TMPRSS15: variants seen among roughly 807,000 people sequenced by gnomAD.
TMPRSS15 encodes transmembrane serine protease 15, also known as enteropeptidase.
TMPRSS15 carries 128 observed loss-of-function variants against 125.3 expected under a neutral mutation model. The observed-to-expected ratio is 1.02, with a 90% confidence interval of 0.89 to 1.18. The LOEUF is 1.18. TMPRSS15 is among the 50% of genes most tolerant of loss of function. TMPRSS15 has a pLI of 0.00. For missense variants in TMPRSS15, 1,283 were observed against 1,212.7 expected (o/e 1.06, Z -0.86); for synonymous variants, 446 against 423.2 (o/e 1.05, Z -0.66).
chr21:18,444,338 A>C (rs909722097), intron 1 of TMPRSS15, among the ~76,000 whole-genome samples: 3 of 152,240 alleles, frequency 2.0e-5, no homozygotes, highest in African/African-American at 7.2e-5. Context: ...TTACAGGGAC[A>C]TGGTTGAAGC....
rs116084942 is a variant in TMPRSS15 at position 18,363,380 on chromosome 21, A to G, written c.773+1760T>C. Among the ~76,000 whole-genome samples, 1,097 of 152,220 alleles carry G rather than the reference A, an allele frequency of 7.2e-3. 15 individuals carry two copies. Among genetic ancestry groups the G allele is most frequent in the African/African-American group, 0.025 (1,054 of 41,534 alleles). ...TAACATTTTTAATTAATATAGGATA[A>G]TTTTTGCGTAAAGGACATTATCATT... is the stretch of plus-strand genomic sequence containing the variant. On this transcript the variant is annotated intron_variant, in intron 7 of 24. Transcript: ENST00000284885.
At chr21:18,413,584 CTTT>C (rs141469767) in intron 1 of TMPRSS15, among the ~76,000 whole-genome samples, 37 of 135,980 alleles carry the variant, frequency 2.7e-4, no homozygotes, top group East Asian at 1.1e-3. Context: ...ACCTGGCTAA[CTTT>C]TTTTTTTTTT....
chr21:18,484,297 T>C (rs1979037574), intron 1 of TMPRSS15, among the ~76,000 whole-genome samples: 1 of 151,896 alleles, frequency 6.6e-6, no homozygotes, highest in Non-Finnish European at 1.5e-5. Context: ...AGGAGGTCCA[T>C]GATTGTCAAT....
At chr21:18,445,921 C>T (rs1467636821) in intron 1 of TMPRSS15, among the ~76,000 whole-genome samples, 1 of 152,134 alleles carries the variant, frequency 6.6e-6, no homozygotes, top group African/African-American at 2.4e-5. Flanking sequence ...CCACTTTCTC[C>T]ACTTGTATTC....
chr21:18,386,298 A>G (rs2075943318), intron 3 of TMPRSS15, among the ~76,000 whole-genome samples: 1 of 152,100 alleles, frequency 6.6e-6, no homozygotes. Flanking sequence ...AAACCTAGGG[A>G]ATCTGTTTCC....
chr21:18,380,583 T>C (rs193043065), intron 4 of TMPRSS15: 5 of 470,792 alleles, frequency 1.1e-5, no homozygotes, highest in East Asian at 7.0e-5. Context: ...TCTCCAAAGA[T>C]GCTGGAATAA....
intron 3 of TMPRSS15, among the ~76,000 whole-genome samples, chr21:18,396,186 G>T (rs980315857): frequency 7.2e-5 from 11 of 152,102 alleles, no homozygotes; most frequent in African/African-American, 2.7e-4. Context: ...TATTTCTGTA[G>T]AAAAAGAGAA....
At chr21:18,339,042 G>A (rs12483255) in intron 13 of TMPRSS15, among the ~76,000 whole-genome samples, 19 of 151,084 alleles carry the variant, frequency 1.3e-4, no homozygotes, top group Admixed American at 1.3e-3. Flanking sequence ...CTTCTCTCAT[G>A]TATTACTTTT....
chr21:18,273,856 G>T (rs2074589303), intron 24 of TMPRSS15, among the ~76,000 whole-genome samples: 1 of 152,182 alleles, frequency 6.6e-6, no homozygotes, highest in African/African-American at 2.4e-5. Flanking sequence ...CAGAATAAAT[G>T]TAAAACTAAG....
intron 6 of TMPRSS15, among the ~76,000 whole-genome samples, chr21:18,369,643 TAAATC>T (rs1013561659): frequency 1.3e-5 from 2 of 151,670 alleles, no homozygotes; most frequent in Non-Finnish European, 2.9e-5. Flanking sequence ...AAAAAATAAA[TAAATC>T]AATAAGAGAG....
intron 1 of TMPRSS15, among the ~76,000 whole-genome samples, chr21:18,435,828 A>G (rs1020131793): frequency 6.6e-6 from 1 of 152,148 alleles, no homozygotes; most frequent in African/African-American, 2.4e-5. Context: ...TGGTCTATTC[A>G]GAGATTCGAC....
Position 18,403,784 on chromosome 21 carries a change from G to A in TMPRSS15, c.-162C>T. On this transcript the variant is annotated 5_prime_UTR_variant, in exon 1 of 25. Transcript: ENST00000284885. ...TAAGTGAGTTGTGTATGTCTCTTTGGCAAAATTATGTCTCTATACATTAAG... is the reference window on the plus strand; with the variant it reads ...TAAGTGAGTTGTGTATGTCTCTTTGACAAAATTATGTCTCTATACATTAAG... 1 of 747,358 alleles carries A rather than the reference G, an allele frequency of 1.3e-6. No homozygotes were observed. The highest frequency in any genetic ancestry group is 2.2e-6 in the Non-Finnish European group (1 of 447,268). The allele number at this position is 747,358 out of a possible 1,614,324, so 46.3% of individuals were successfully genotyped here.
intron 2 of TMPRSS15, 24 bp from the exon 3 acceptor site, chr21:18,397,970 T>A: frequency 1.5e-6 from 2 of 1,366,366 alleles, no homozygotes; most frequent in Admixed American, 1.9e-5. Flanking sequence ...AAAGATTGAA[T>A]GAGTATACTA....
intron 17 of TMPRSS15, among the ~76,000 whole-genome samples, chr21:18,314,796 T>A (rs1450171259): frequency 6.6e-6 from 1 of 152,108 alleles, no homozygotes; most frequent in African/African-American, 2.4e-5. Flanking sequence ...TGCCTCTGAA[T>A]GTGGGCAACA....
At chr21:18,386,717 C>A (rs1236656348) in intron 3 of TMPRSS15, among the ~76,000 whole-genome samples, 2 of 152,024 alleles carry the variant, frequency 1.3e-5, no homozygotes. Flanking sequence ...TAATTATTTT[C>A]TCTCTCTCCA....
intron 1 of TMPRSS15, among the ~76,000 whole-genome samples, chr21:18,481,162 G>A (rs1197446845): frequency 1.3e-5 from 2 of 151,550 alleles, no homozygotes; most frequent in Non-Finnish European, 3.0e-5. Flanking sequence ...CTGGAACTTC[G>A]TTTCCCAATT....
intron 24 of TMPRSS15, 21 bp from the exon 25 acceptor site, chr21:18,270,145 CA>C: frequency 6.2e-7 from 1 of 1,611,184 alleles, no homozygotes; most frequent in South Asian, 1.1e-5. Context: ...AATTGCAAAA[CA>C]AAATTGTAGA....
chr21:18,476,549 T>C (rs1354900998), intron 1 of TMPRSS15, among the ~76,000 whole-genome samples: 1 of 152,080 alleles, frequency 6.6e-6, no homozygotes, highest in Non-Finnish European at 1.5e-5. Flanking sequence ...TATGCTAAAG[T>C]GAAACTGTCA....
At chr21:18,438,063 C>G (rs1374048647) in intron 1 of TMPRSS15, among the ~76,000 whole-genome samples, 2 of 151,538 alleles carry the variant, frequency 1.3e-5, no homozygotes, top group Non-Finnish European at 2.9e-5. Flanking sequence ...ATAGCAAAGA[C>G]TTGGAACCAA....
Sources: allele counts gnomAD v4.1 joint callset (sites outside exome capture counted in the v4.1 genomes callset), GRCh38; gene constraint gnomAD v4.1.1; transcripts MANE v1.5; gene names NCBI Gene and HGNC (gene_info 2026-07-23, HGNC 2026-07-21).